Variants in RAP1GAP observed in about 807,000 individuals in gnomAD.
RAP1GAP encodes rap1 GTPase-activating protein 1.
Under a neutral mutation model 87.2 loss-of-function variants are expected in RAP1GAP, and 35 were observed. The ratio of observed to expected loss-of-function variants is 0.40; its 90% CI spans 0.31 to 0.53. The LOEUF is 0.53. Among genes scored for constraint, RAP1GAP ranks in the 20% least tolerant of loss-of-function variants. The pLI, the probability that RAP1GAP is intolerant of heterozygous loss-of-function variation, is 0.48. For missense variants in RAP1GAP, 734 were observed against 898.9 expected (o/e 0.82, Z 2.35); for synonymous variants, 375 against 363.9 (o/e 1.03, Z -0.35).
chr1:21,617,316 A>C lies in RAP1GAP; in HGVS notation c.281T>G (p.Phe94Cys). Residue 94 changes from phenylalanine (F) to cysteine (C), a missense_variant, in exon 7 of 25, where the codon TTT (phenylalanine) becomes TGT (cysteine). Around this residue, in one of 2 missense-constraint regions of RAP1GAP, gnomAD observed 485 missense variants for 646.2 expected, o/e 0.75. Transcript: ENST00000374765. ...NPTARIYRKH[F>C]LGKEHFNYYS... The stretch of plus-strand genomic sequence containing the variant: ...CAGCCGGCCACCCACCTTGCCGAGA[A>C]AGTGCTTCCGGTAGATGCGGGCTGT... 1 of 1,576,188 alleles carries C rather than the reference A, an allele frequency of 6.3e-7. No individual in the cohort carries two copies. The highest frequency in any genetic ancestry group is 8.6e-7 in the Non-Finnish European group (1 of 1,160,358).
At chr1:21,637,145 C>CTTTT (rs869047762) in intron 2 of RAP1GAP, among the ~76,000 whole-genome samples, 1 of 128,506 alleles carries the variant, frequency 7.8e-6, no homozygotes, top group Non-Finnish European at 1.7e-5. Flanking sequence ...TCTTTTTTTT[C>CTTTT]TTTTTTTTTT....
At chr1:21,605,746 A>T (rs972313275) in intron 18 of RAP1GAP, among the ~76,000 whole-genome samples, 4 of 152,232 alleles carry the variant, frequency 2.6e-5, no homozygotes, top group Non-Finnish European at 5.9e-5. Context: ...ATAGATACTC[A>T]ATAAGGAATG....
At chr1:21,667,395 A>G (rs1216261410) in intron 1 of RAP1GAP, among the ~76,000 whole-genome samples, 1 of 152,212 alleles carries the variant, frequency 6.6e-6, no homozygotes, top group Non-Finnish European at 1.5e-5. Context: ...GGGCCTCCTG[A>G]GACCCCTGCC....
At chr1:21,606,410 T>C (rs1019319683) in intron 17 of RAP1GAP, among the ~76,000 whole-genome samples, 2 of 152,196 alleles carry the variant, frequency 1.3e-5, no homozygotes, top group African/African-American at 2.4e-5. Flanking sequence ...AGCAGGTACA[T>C]ACGGGGCCTA....
At chr1:21,611,044 T>A (rs900721167) in intron 13 of RAP1GAP, among the ~76,000 whole-genome samples, 18 of 152,116 alleles carry the variant, frequency 1.2e-4, no homozygotes, top group Non-Finnish European at 2.2e-4. Flanking sequence ...AACATTTCCC[T>A]TCCTTCTCCC....
chr1:21,599,764 G>A, intron 20 of RAP1GAP, 147 bp from the exon 21 acceptor site: 2 of 1,117,244 alleles, frequency 1.8e-6, no homozygotes, highest in East Asian at 2.7e-5. Context: ...TTGGGCCTCT[G>A]AGCCCCCCAG....
intron 17 of RAP1GAP, 21 bp downstream of exon 17, chr1:21,608,192 G>A: frequency 6.2e-7 from 1 of 1,612,706 alleles, no homozygotes; most frequent in Non-Finnish European, 8.5e-7. Context: ...TCCCCGGCCA[G>A]TTAGACCTGG....
At chr1:21,614,273 G>A (rs1217849773) in intron 7 of RAP1GAP, among the ~76,000 whole-genome samples, 184 bp from the exon 8 acceptor site, 1 of 152,204 alleles carries the variant, frequency 6.6e-6, no homozygotes, top group Non-Finnish European at 1.5e-5. Flanking sequence ...CTGACCAGCT[G>A]GGCAGCCTGA....
chr1:21,619,939 G>T lies in RAP1GAP; in HGVS notation c.18+76C>A, dbSNP rs1279736302. 3 of 1,492,060 alleles carry T rather than the reference G, an allele frequency of 2.0e-6. No individual in the cohort carries two copies. The African/African-American group carries it at 4.1e-5, about 21-fold the overall frequency. The allele number at this position is 1,492,060 out of a possible 1,614,324, so 92.4% of individuals were successfully genotyped here. ...GTCCTCAGGGAGGTGAAGGGCTGGA[G>T]ATGCAGCAAGGGCCCCCCAGCCCCA... On this transcript the variant is annotated intron_variant, in intron 4 of 24. Coordinates refer to ENST00000374765, the MANE Select transcript of RAP1GAP (RefSeq NM_002885.4).
At chr1:21,643,938 C>G (rs1571237351) in intron 2 of RAP1GAP, among the ~76,000 whole-genome samples, 1 of 152,276 alleles carries the variant, frequency 6.6e-6, no homozygotes, top group East Asian at 1.9e-4. Context: ...TTGAGCATCA[C>G]CAGGAGATAG....
At chr1:21,647,413 G>A (rs1039236924) in intron 2 of RAP1GAP, among the ~76,000 whole-genome samples, 16 of 152,082 alleles carry the variant, frequency 1.1e-4, no homozygotes, top group Admixed American at 1.3e-4. Context: ...GCAGTGAGCC[G>A]AGACTGCACA....
chr1:21,634,666 C>T lies in RAP1GAP; in HGVS notation c.-112-8269G>A, dbSNP rs902800493. On this transcript the variant is annotated intron_variant, in intron 2 of 24. Transcript: ENST00000374765. The surrounding 1 kb of genome is among the most constrained non-coding windows in gnomAD (Gnocchi z 4.1). ...TCCCGGAGCTGGGCCAGGCAGAGGC[C>T]TCCTGAACAAATAACAGGTTGGCAG... 3.3e-6 allele frequency: 1 copy of T among 307,018 alleles called. No individual in the cohort carries two copies. Among genetic ancestry groups the T allele is most frequent in the African/African-American group, 2.2e-5 (1 of 45,600 alleles). 19.0% of individuals were successfully genotyped at this position (307,018 alleles called of 1,614,324 possible).
intron 4 of RAP1GAP, among the ~76,000 whole-genome samples, chr1:21,619,317 C>T (rs907855735): frequency 5.3e-5 from 8 of 150,826 alleles, no homozygotes; most frequent in Admixed American, 6.6e-5. Context: ...ACGCACGTGC[C>T]GCTGGGAGTG....
rs2089236368 is a variant in RAP1GAP at position 21,622,584 on chromosome 1, G to A, written c.-18-2534C>T. The A allele has an allele frequency of 6.8e-6, 1 of 146,602 alleles. No individual in the cohort carries two copies. The highest frequency in any genetic ancestry group is 2.4e-5 in the African/African-American group (1 of 40,888). The allele number at this position is 146,602 out of a possible 1,614,324, so 9.1% of individuals were successfully genotyped here. A position where few individuals can be genotyped will look rare whatever the true frequency, so the allele number is the denominator to read the frequency against. On this transcript the variant is annotated intron_variant, in intron 3 of 24. Coordinates refer to ENST00000374765, the MANE Select transcript of RAP1GAP (RefSeq NM_002885.4). The surrounding 1 kb of genome is among the most constrained non-coding windows in gnomAD (Gnocchi z 5.7). ...TCGCCCCACGGCGGGGCCCGGAGGG[G>A]GCGGGGCGCCAGGTACGGGCGGCAC...
At chr1:21,602,298 G>A (rs1570452351) in intron 19 of RAP1GAP, among the ~76,000 whole-genome samples, 1 of 152,218 alleles carries the variant, frequency 6.6e-6, no homozygotes, top group Admixed American at 6.5e-5. Flanking sequence ...GCTCAGAGGA[G>A]GTCAGTGACT....
intron 22 of RAP1GAP, 89 bp from the exon 23 acceptor site, chr1:21,598,153 C>A (rs774553447): frequency 2.3e-6 from 2 of 858,238 alleles, no homozygotes; most frequent in Non-Finnish European, 3.6e-6. Context: ...GGCACCAGTG[C>A]GCTCCAACCC....
At chr1:21,631,898 C>G (rs2486134) in intron 2 of RAP1GAP, among the ~76,000 whole-genome samples, 1 of 152,146 alleles carries the variant, frequency 6.6e-6, no homozygotes, top group African/African-American at 2.4e-5. Flanking sequence ...GTCCCGTCAC[C>G]TGGCCTCCTG....
In RAP1GAP at chr1:21,610,682, C is replaced by T. The variant is rs544730254; in HGVS notation, c.844-407G>A. 8.1e-4 allele frequency among the ~76,000 whole-genome samples: 124 copies of T among 152,284 alleles called. 1 individual carries two copies. Among genetic ancestry groups the T allele is most frequent in the African/African-American group, 2.8e-3 (116 of 41,558 alleles). ...ATGAGCTATAATGAGCTTGGGGACT[C>T]GAGCCCAGGTCTCTTGGTCCCCAGA... is the stretch of plus-strand genomic sequence containing the variant. On this transcript the variant is annotated intron_variant, in intron 13 of 24. Transcript: ENST00000374765.
intron 19 of RAP1GAP, 93 bp downstream of exon 19, chr1:21,602,711 C>T (rs931166800): frequency 1.6e-5 from 17 of 1,092,404 alleles, no homozygotes; most frequent in South Asian, 6.2e-5. Flanking sequence ...GGCAGAGGGG[C>T]GGGCACTCCC....
Sources: gnomAD v4.1 joint callset for allele counts (sites outside exome capture counted in the v4.1 genomes callset) on GRCh38, gnomAD v4.1.1 for gene constraint, gnomAD v4.1.1 regional missense constraint, Gnocchi (gnomAD v3.1) non-coding constraint, MANE v1.5 for transcripts, NCBI Gene and HGNC (gene_info 2026-07-23, HGNC 2026-07-21) for gene names.